Variants in IFNG-AS1 observed in about 807,000 individuals in gnomAD.
IFNG-AS1 encodes the protein IFNG antisense RNA 1 (non-protein coding).
chr12:68,016,656 A>AGAATAAC (rs1444632191), intron 3 of IFNG-AS1, among the ~76,000 whole-genome samples: 1 of 152,182 alleles, frequency 6.6e-6, no homozygotes, highest in East Asian at 1.9e-4. Flanking sequence ...CCTTCACATG[A>AGAATAAC]GAATAACTTA....
chr12:67,998,378 GA>G (rs1879689805), intron 2 of IFNG-AS1, among the ~76,000 whole-genome samples: 1 of 148,278 alleles, frequency 6.7e-6, no homozygotes, highest in African/African-American at 2.5e-5. Flanking sequence ...AAGTGAAAAA[GA>G]AAAAAGACAA....
chr12:68,003,859 A>T (rs1267845453), intron 2 of IFNG-AS1, among the ~76,000 whole-genome samples: 1 of 150,662 alleles, frequency 6.6e-6, no homozygotes, highest in East Asian at 2.0e-4. Flanking sequence ...GTGAACCGAG[A>T]TCGCCCCACT....
chr12:68,013,230 G>T (rs545349613), intron 3 of IFNG-AS1, among the ~76,000 whole-genome samples: 51 of 152,316 alleles, frequency 3.3e-4, no homozygotes, highest in Non-Finnish European at 6.2e-4. Context: ...GAAAGTCAGG[G>T]TTTAGGATTT....
rs963982937 is a variant in IFNG-AS1, at chr12:68,009,333, G to GT, written n.241+3193dup. Among the ~76,000 whole-genome samples, 4 of 152,096 alleles carry GT rather than the reference G, an allele frequency of 2.6e-5. No homozygotes were observed. The East Asian group carries it at 5.8e-4, about 22-fold the overall frequency. ...CCAGCTGAATTATTACATTGGAACA[G>GT]TTTTTTGTTTTTGTTTTGTTTTGTT... On this transcript the variant is annotated intron_variant and non_coding_transcript_variant, in intron 3 of 5. Coordinates refer to ENST00000536914, the Ensembl canonical transcript of IFNG-AS1.
chr12:68,015,911 G>C (rs1311161467), intron 3 of IFNG-AS1, among the ~76,000 whole-genome samples: 4 of 150,892 alleles, frequency 2.7e-5, no homozygotes, highest in South Asian at 4.2e-4. Flanking sequence ...TCACGGTTTA[G>C]TGCCTCCATT....
At chr12:68,006,231 G>C (rs1879902448) in intron 3 of IFNG-AS1, 1 of 152,330 alleles carries the variant, frequency 6.6e-6, no homozygotes, top group South Asian at 2.1e-4. Context: ...AAGTGACAAG[G>C]TGGTTTTAAG....
chr12:67,993,226 A>G (rs1879556279), intron 1 of IFNG-AS1, among the ~76,000 whole-genome samples: 1 of 152,178 alleles, frequency 6.6e-6, no homozygotes, highest in Non-Finnish European at 1.5e-5. Flanking sequence ...CTGTTTCTTT[A>G]GAAAATCACC....
At chr12:68,007,595 C>T (rs1191404161) in intron 3 of IFNG-AS1, among the ~76,000 whole-genome samples, 1 of 152,212 alleles carries the variant, frequency 6.6e-6, no homozygotes, top group Non-Finnish European at 1.5e-5. Context: ...CCTCTCTCCC[C>T]TAAGATTCAA....
chr12:68,009,153 A>T (rs949257873), intron 3 of IFNG-AS1, among the ~76,000 whole-genome samples: 4 of 152,186 alleles, frequency 2.6e-5, no homozygotes, highest in African/African-American at 9.7e-5. Flanking sequence ...TTCTTGTGAG[A>T]CTGAAATAAG....
intron 3 of IFNG-AS1, among the ~76,000 whole-genome samples, chr12:68,007,010 C>T (rs910563947): frequency 2.0e-5 from 3 of 152,040 alleles, no homozygotes; most frequent in Non-Finnish European, 4.4e-5. Context: ...AGGAATATAC[C>T]CTTAGAATGA....
chr12:67,999,204 T>C (rs1879711134), intron 2 of IFNG-AS1, among the ~76,000 whole-genome samples: 1 of 152,184 alleles, frequency 6.6e-6, no homozygotes, highest in Non-Finnish European at 1.5e-5. Context: ...TAATAGATGA[T>C]ACAGAGATAG....
chr12:68,001,884 A>T (rs1030760156), intron 2 of IFNG-AS1, among the ~76,000 whole-genome samples: 2 of 152,196 alleles, frequency 1.3e-5, no homozygotes, highest in Non-Finnish European at 2.9e-5. Flanking sequence ...CACAGCATGC[A>T]CTGAGGGCCA....
intron 1 of IFNG-AS1, among the ~76,000 whole-genome samples, chr12:67,991,275 G>A (rs1039784143): frequency 6.6e-6 from 1 of 152,162 alleles, no homozygotes; most frequent in Admixed American, 6.5e-5. Flanking sequence ...AATAAAAGAC[G>A]GCACATGCTA....
chr12:67,992,897 A>G (rs1040673465), intron 1 of IFNG-AS1, among the ~76,000 whole-genome samples: 1 of 152,208 alleles, frequency 6.6e-6, no homozygotes, highest in Non-Finnish European at 1.5e-5. Context: ...TTCGTATCCC[A>G]TTTTCTTTCC....
At chr12:67,993,899 T>C (rs1387387161) in intron 1 of IFNG-AS1, among the ~76,000 whole-genome samples, 3 of 152,228 alleles carry the variant, frequency 2.0e-5, no homozygotes, top group Admixed American at 6.5e-5. Context: ...TTCTTAAACA[T>C]ACGTTTAGTA....
intron 3 of IFNG-AS1, among the ~76,000 whole-genome samples, chr12:68,006,893 C>T (rs1879918188): frequency 6.6e-6 from 1 of 152,146 alleles, no homozygotes; most frequent in African/African-American, 2.4e-5. Flanking sequence ...ACCTGAGGAC[C>T]CAGTTAGGCC....
intron 2 of IFNG-AS1, among the ~76,000 whole-genome samples, chr12:67,997,177 G>A (rs1879660352): frequency 6.6e-6 from 1 of 151,976 alleles, no homozygotes; most frequent in Non-Finnish European, 1.5e-5. Context: ...ATAAAACACT[G>A]AAGAAGAGCC....
intron 1 of IFNG-AS1, among the ~76,000 whole-genome samples, chr12:67,995,312 T>C (rs1879610704): frequency 6.7e-6 from 1 of 149,164 alleles, no homozygotes; most frequent in Non-Finnish European, 1.5e-5. Flanking sequence ...TCCCAGCTAC[T>C]CAGGAGGCTG....
At chr12:68,017,911 C>G (rs1880192420) in intron 3 of IFNG-AS1, among the ~76,000 whole-genome samples, 1 of 152,076 alleles carries the variant, frequency 6.6e-6, no homozygotes, top group African/African-American at 2.4e-5. Context: ...AGATATTAAT[C>G]TTATAAAACA....
Sources: gnomAD v4.1 joint callset for allele counts (sites outside exome capture counted in the v4.1 genomes callset) on GRCh38, gnomAD v4.1.1 for gene constraint, MANE v1.5 for transcripts, NCBI Gene and HGNC (gene_info 2026-07-23, HGNC 2026-07-21) for gene names.